The following CRTC1 variants were observed in gnomAD, a reference collection of about 807,000 sequenced individuals.
CRTC1 encodes the protein CREB-regulated transcription coactivator 1.
Under a neutral mutation model 66.1 loss-of-function variants are expected in CRTC1, and 18 were observed. The ratio of observed to expected loss-of-function variants is 0.27; its 90% CI spans 0.19 to 0.40. The LOEUF (loss-of-function observed/expected upper bound fraction) is 0.40. CRTC1 is among the 10% of genes least tolerant of loss of function. The pLI is 1.00. For synonymous variants in CRTC1, 416 were observed against 398.8 expected, an observed-to-expected ratio of 1.04 and a Z score of -0.51; for missense variants, 669 against 887.9, an observed-to-expected ratio of 0.75 and a Z score of 3.13.
At chr19:18,740,024 G>A (rs1297257315) in intron 1 of CRTC1, among the ~76,000 whole-genome samples, 3 of 152,096 alleles carry the variant, frequency 2.0e-5, no homozygotes, top group Non-Finnish European at 4.4e-5. Flanking sequence ...AGGCTGAGGC[G>A]GGCGAATCTC....
chr19:18,727,556 G>C (rs1202363580), intron 1 of CRTC1, among the ~76,000 whole-genome samples: 1 of 118,094 alleles, frequency 8.5e-6, no homozygotes, highest in African/African-American at 3.2e-5. Context: ...ACTCCAGCCT[G>C]GGTGACAGAG....
intron 1 of CRTC1, among the ~76,000 whole-genome samples, chr19:18,684,346 AG>A (rs2052637286): frequency 6.6e-6 from 1 of 151,802 alleles, no homozygotes; most frequent in South Asian, 2.1e-4. Context: ...GCTACCTGGG[AG>A]GGACAGATGC....
chr19:18,720,686 G>C (rs2053606996), intron 1 of CRTC1, among the ~76,000 whole-genome samples: 1 of 152,130 alleles, frequency 6.6e-6, no homozygotes, highest in Non-Finnish European at 1.5e-5. Context: ...ACTTTCAGTA[G>C]AGACGGGGTT....
At chr19:18,774,202 C>T (rs1262784011) in intron 11 of CRTC1, among the ~76,000 whole-genome samples, 1 of 152,198 alleles carries the variant, frequency 6.6e-6, no homozygotes, top group Non-Finnish European at 1.5e-5. Flanking sequence ...AGACCTCATC[C>T]CACCATCTCT....
intron 5 of CRTC1, among the ~76,000 whole-genome samples, chr19:18,753,023 T>C: frequency 6.6e-6 from 1 of 151,556 alleles, no homozygotes; most frequent in South Asian, 2.1e-4. Flanking sequence ...CCCAGCACTT[T>C]GGGAGGCCAA....
chr19:18,764,386 C>T (rs1390329917), intron 8 of CRTC1, among the ~76,000 whole-genome samples: 1 of 152,254 alleles, frequency 6.6e-6, no homozygotes, highest in Admixed American at 6.5e-5. Context: ...GGAACCAAGT[C>T]TCCAGAGTGG....
chr19:18,700,118 T>C (rs1337035309), intron 1 of CRTC1, among the ~76,000 whole-genome samples: 5 of 152,190 alleles, frequency 3.3e-5, no homozygotes, highest in Non-Finnish European at 5.9e-5. Context: ...GTCACCACTA[T>C]AGCGGCTGAG....
intron 1 of CRTC1, among the ~76,000 whole-genome samples, chr19:18,704,685 C>G (rs1469059428): frequency 6.6e-6 from 1 of 152,164 alleles, no homozygotes; most frequent in Non-Finnish European, 1.5e-5. Context: ...GCACTGCAGC[C>G]TGGGCAACAG....
At chr19:18,766,064 AT>A (rs1600992986) in intron 9 of CRTC1, among the ~76,000 whole-genome samples, 1 of 149,856 alleles carries the variant, frequency 6.7e-6, no homozygotes, top group Non-Finnish European at 1.5e-5. Flanking sequence ...GAATTTGTCC[AT>A]TTCGTCTTTG....
At chr19:18,764,736 A>C (rs1217844926) in intron 8 of CRTC1, among the ~76,000 whole-genome samples, 1 of 152,180 alleles carries the variant, frequency 6.6e-6, no homozygotes, top group Non-Finnish European at 1.5e-5. Context: ...GGAATGCACC[A>C]GGTCTGGGGA....
At chr19:18,764,781 G>A (rs1425678624) in intron 8 of CRTC1, among the ~76,000 whole-genome samples, 1 of 152,166 alleles carries the variant, frequency 6.6e-6, no homozygotes, top group Non-Finnish European at 1.5e-5. Flanking sequence ...GGGATAGCAG[G>A]TGCTCAGGTC....
chr19:18,729,350 C>T (rs1254545012), intron 1 of CRTC1, among the ~76,000 whole-genome samples: 6 of 150,230 alleles, frequency 4.0e-5, no homozygotes, highest in Non-Finnish European at 5.9e-5. Flanking sequence ...GGCGTGAACC[C>T]GAGAGGCGGA....
In CRTC1 at chr19:18,777,183, C is replaced by G; in HGVS notation, c.1706C>G (p.Ser569Cys). 2 of 1,290,444 alleles carry G rather than the reference C, an allele frequency of 1.5e-6. No homozygotes were observed. Among genetic ancestry groups the G allele is most frequent in the African/African-American group, 1.5e-5 (1 of 66,598 alleles). The allele number at this position is 1,290,444 out of a possible 1,614,324, so 79.9% of individuals were successfully genotyped here. The change falls in exon 14 of 14, where the codon TCC (serine) becomes TGC (cysteine). Residue 569 changes from serine to cysteine, a missense_variant. By Grantham distance (112) the Ser-to-Cys change is moderately radical. Around this residue, in one of 8 missense-constraint regions of CRTC1, gnomAD observed 91 missense variants for 99.1 expected, o/e 0.92. Coordinates refer to ENST00000321949, the MANE Select transcript of CRTC1 (RefSeq NM_015321.3). This position sits in a 1 kb window ranked among gnomAD's most constrained non-coding sequence, Gnocchi z 5.5. The part of the protein sequence containing the change: ...PNIILTVTGE[S>C]PPSLSKELTS... Reference sequence around the variant, plus strand: ...CCCCATCCCCCAGTGACAGGAGAGTCCCCCCCCAGCCTCTCTAAAGAACTG... The same window carrying G: ...CCCCATCCCCCAGTGACAGGAGAGTGCCCCCCCAGCCTCTCTAAAGAACTG...
At chr19:18,739,722 AGCTGAG>A (rs1459562545) in intron 1 of CRTC1, among the ~76,000 whole-genome samples, 1 of 152,182 alleles carries the variant, frequency 6.6e-6, no homozygotes, top group African/African-American at 2.4e-5. Flanking sequence ...CCGTTCTTCC[AGCTGAG>A]GCCAGAGGTC....
At chr19:18,756,562 A>C (rs1048129362) in intron 6 of CRTC1, among the ~76,000 whole-genome samples, 1 of 151,658 alleles carries the variant, frequency 6.6e-6, no homozygotes, top group African/African-American at 2.4e-5. Flanking sequence ...ACTTGAGCCC[A>C]GGAGCCCAGG....
At chr19:18,722,663 C>T (rs1365825716) in intron 1 of CRTC1, among the ~76,000 whole-genome samples, 1 of 152,194 alleles carries the variant, frequency 6.6e-6, no homozygotes, top group Non-Finnish European at 1.5e-5. Context: ...TTAGAGCATG[C>T]CGTGGTGGCG....
intron 1 of CRTC1, among the ~76,000 whole-genome samples, chr19:18,713,412 G>C (rs561939309): frequency 6.6e-6 from 1 of 152,212 alleles, no homozygotes; most frequent in Non-Finnish European, 1.5e-5. Flanking sequence ...CTGAGGACTG[G>C]AATTGCGGGA....
rs926411188 is a variant in CRTC1, at chr19:18,771,336, C to T, written c.1321-106C>T. 8.6e-5 allele frequency: 77 copies of T among 892,142 alleles called. No individual in the cohort carries two copies. The highest frequency in any genetic ancestry group is 1.0e-4 in the Non-Finnish European group (61 of 586,686). 55.3% of individuals were successfully genotyped at this position (892,142 alleles called of 1,614,324 possible). A position where few individuals can be genotyped will look rare whatever the true frequency, so the allele number is the denominator to read the frequency against. On this transcript the variant is annotated intron_variant, in intron 10 of 13. Transcript: ENST00000321949. This position sits in a 1 kb window ranked among gnomAD's most constrained non-coding sequence, Gnocchi z 4.6. ...GCGACCATCACCAAGGTGTGAGGGG[C>T]GGGGGGACCTGCCTGGGGGCTGATC...
At chr19:18,701,019 A>G (rs1362015660) in intron 1 of CRTC1, among the ~76,000 whole-genome samples, 1 of 152,230 alleles carries the variant, frequency 6.6e-6, no homozygotes, top group Non-Finnish European at 1.5e-5. Flanking sequence ...GTGGCTCATT[A>G]TATCATCACA....
Sources: gnomAD v4.1 joint callset for allele counts (sites outside exome capture counted in the v4.1 genomes callset) on GRCh38, gnomAD v4.1.1 for gene constraint, gnomAD v4.1.1 regional missense constraint, Gnocchi (gnomAD v3.1) non-coding constraint, MANE v1.5 for transcripts, NCBI Gene and HGNC (gene_info 2026-07-23, HGNC 2026-07-21) for gene names.